LYN: variants seen among roughly 807,000 people sequenced by gnomAD.
The protein encoded by LYN is LYN proto-oncogene, Src family tyrosine kinase, also known as tyrosine-protein kinase Lyn.
A neutral mutation model predicts 65.0 loss-of-function variants in LYN; 12 were observed. That is an observed-to-expected ratio of 0.18 (90% confidence interval 0.12 to 0.30). The LOEUF (loss-of-function observed/expected upper bound fraction) is 0.30, where lower values mean the gene tolerates loss of function less well. LYN is among the 10% of genes least tolerant of loss of function. The probability of loss-of-function intolerance (pLI) is 1.00; values close to 1 mark genes in which losing one functional copy is unlikely to be tolerated. For synonymous variants in LYN, 222 were observed against 221.2 expected (o/e 1.00, Z -0.03); for missense variants, 380 against 623.2 (o/e 0.61, Z 4.16).
chr8:55,912,606 A>G (rs1805668624), intron 1 of LYN, among the ~76,000 whole-genome samples: 1 of 152,110 alleles, frequency 6.6e-6, no homozygotes, highest in Non-Finnish European at 1.5e-5. Context: ...ACATGCCTGT[A>G]ATCCCAGCTA....
At chr8:55,958,897 G>A (rs1010310825) in intron 8 of LYN, among the ~76,000 whole-genome samples, 1 of 152,110 alleles carries the variant, frequency 6.6e-6, no homozygotes, top group African/African-American at 2.4e-5. Flanking sequence ...TTTGGCTATT[G>A]TGAATTTGCC....
intron 1 of LYN, chr8:55,895,884 T>C (rs1805082858): frequency 6.6e-6 from 1 of 152,102 alleles, no homozygotes; most frequent in Non-Finnish European, 1.5e-5. Context: ...CTTTTCTTGA[T>C]TTTGGAGGAT....
chr8:55,991,375 A>T (rs988803761), intron 10 of LYN, among the ~76,000 whole-genome samples: 7 of 152,202 alleles, frequency 4.6e-5, no homozygotes, highest in African/African-American at 1.4e-4. Flanking sequence ...TATGGAAGGC[A>T]TCTGTTCAGC....
intron 1 of LYN, among the ~76,000 whole-genome samples, chr8:55,884,866 C>T (rs912997114): frequency 6.6e-6 from 1 of 152,232 alleles, no homozygotes; most frequent in Non-Finnish European, 1.5e-5. Flanking sequence ...TCCCCTTCAT[C>T]CTGTTCTGTA....
At chr8:55,971,948 G>T (rs528896028) in intron 10 of LYN, among the ~76,000 whole-genome samples, 1 of 152,242 alleles carries the variant, frequency 6.6e-6, no homozygotes, top group South Asian at 2.1e-4. Context: ...GGATTCCAGG[G>T]GGCTTCAGTT....
chr8:55,883,657 GGTTGTTTT>G (rs1804707760), intron 1 of LYN, among the ~76,000 whole-genome samples: 1 of 152,170 alleles, frequency 6.6e-6, no homozygotes, highest in Admixed American at 6.5e-5. Context: ...CCAACCTCCT[GGTTGTTTT>G]ATCAGTGAGA....
At chr8:55,890,134 A>AAAAAAAAAAAAAAAAAAAAC (rs1804914311) in intron 1 of LYN, among the ~76,000 whole-genome samples, 1 of 149,888 alleles carries the variant, frequency 6.7e-6, no homozygotes, top group East Asian at 1.9e-4. Flanking sequence ...AAAAAAAAAA[A>AAAAAAAAAAAAAAAAAAAAC]AAAAGAATAA....
intron 1 of LYN, among the ~76,000 whole-genome samples, chr8:55,911,190 C>CGTGTATATATAT (rs1554576221): frequency 0.27 from 3,052 of 11,494 alleles, 1,142 homozygotes; most frequent in Non-Finnish European, 0.55. Context: ...TATATATATA[C>CGTGTATATATAT]ACACACACAT....
At chr8:55,911,286 T>TATATATATATATA (rs1491536693) in intron 1 of LYN, among the ~76,000 whole-genome samples, 2 of 18,804 alleles carry the variant, frequency 1.1e-4, no homozygotes, top group African/African-American at 1.8e-4. Flanking sequence ...TATATATATA[T>TATATATATATATA]TTTTTTTTTT....
At chr8:55,984,978 G>T (rs1230088112) in intron 10 of LYN, among the ~76,000 whole-genome samples, 2 of 152,136 alleles carry the variant, frequency 1.3e-5, no homozygotes, top group Admixed American at 6.5e-5. Context: ...GTCTAGGTAG[G>T]TCCCTCTCAC....
At chr8:55,904,404 T>C (rs1805362680) in intron 1 of LYN, among the ~76,000 whole-genome samples, 1 of 152,198 alleles carries the variant, frequency 6.6e-6, no homozygotes, top group Admixed American at 6.5e-5. Flanking sequence ...GTATTTACAA[T>C]CCTGGGTTCT....
At chr8:55,983,174 A>C (rs2130555928) in intron 10 of LYN, among the ~76,000 whole-genome samples, 1 of 152,190 alleles carries the variant, frequency 6.6e-6, no homozygotes, top group East Asian at 1.9e-4. Flanking sequence ...ACATGTGCCC[A>C]GTCTGCTCCC....
Position 56,010,284 on chromosome 8 carries a change from G to A in LYN, c.*174G>A. On this transcript the variant is annotated 3_prime_UTR_variant, in exon 13 of 13. Transcript: ENST00000519728. ...CACCCTCTAAATGGGAAAGTATTCT[G>A]TACTCTTAGATGGATTCTCCACTCA... The A allele has an allele frequency of 1.6e-6, 1 of 622,096 alleles. No individual in the cohort carries two copies. Among genetic ancestry groups the A allele is most frequent in the Non-Finnish European group, 2.8e-6 (1 of 361,582 alleles). 38.5% of individuals were successfully genotyped at this position (622,096 alleles called of 1,614,324 possible).
At chr8:55,939,784 C>T (rs530820601) in intron 1 of LYN, among the ~76,000 whole-genome samples, 1 of 151,944 alleles carries the variant, frequency 6.6e-6, no homozygotes, top group Non-Finnish European at 1.5e-5. Flanking sequence ...GGTGACGGGG[C>T]GTGGGAGGGA....
intron 8 of LYN, among the ~76,000 whole-genome samples, chr8:55,960,276 G>A (rs899053033): frequency 6.6e-6 from 1 of 152,038 alleles, no homozygotes; most frequent in Non-Finnish European, 1.5e-5. Context: ...TAAAACTATA[G>A]TACAACATCA....
At chr8:55,935,547 G>A (rs1457692816) in intron 1 of LYN, among the ~76,000 whole-genome samples, 1 of 152,160 alleles carries the variant, frequency 6.6e-6, no homozygotes, top group African/African-American at 2.4e-5. Context: ...GCCGAGGCGG[G>A]TGTATCACCT....
chr8:56,002,242 A>T (rs1168105336), intron 12 of LYN, among the ~76,000 whole-genome samples: 1 of 151,966 alleles, frequency 6.6e-6, no homozygotes, highest in Admixed American at 6.6e-5. Context: ...ATATGGTGAA[A>T]CCCCATCTCT....
intron 3 of LYN, among the ~76,000 whole-genome samples, 170 bp from the exon 4 acceptor site, chr8:55,947,448 A>G (rs1806811064): frequency 6.6e-6 from 1 of 152,204 alleles, no homozygotes; most frequent in Non-Finnish European, 1.5e-5. Context: ...GTATACAGCA[A>G]GGTACTCTCT....
At chr8:55,982,705 C>T (rs1807961884) in intron 10 of LYN, among the ~76,000 whole-genome samples, 1 of 152,208 alleles carries the variant, frequency 6.6e-6, no homozygotes, top group Non-Finnish European at 1.5e-5. Context: ...TAGCCATCCC[C>T]ACCTTCAAAT....
Sources: gnomAD v4.1 joint callset for allele counts (sites outside exome capture counted in the v4.1 genomes callset) on GRCh38, gnomAD v4.1.1 for gene constraint, MANE v1.5 for transcripts, NCBI Gene and HGNC (gene_info 2026-07-23, HGNC 2026-07-21) for gene names.